Variants in PPFIBP1 observed in about 807,000 individuals in gnomAD.
PPFIBP1 encodes the protein liprin-beta-1.
Under a neutral mutation model 137.8 loss-of-function variants are expected in PPFIBP1, and 112 were observed. The ratio of observed to expected loss-of-function variants is 0.81; its 90% confidence interval spans 0.70 to 0.95. PPFIBP1 has a LOEUF of 0.95. Ranked by LOEUF, PPFIBP1 falls within the 40% of genes least tolerant of loss-of-function variation. The pLI is 0.00. For synonymous variants in PPFIBP1, 378 were observed against 417.3 expected (o/e 0.91, Z 1.15); for missense variants, 1,083 against 1,196.6 (o/e 0.91, Z 1.40).
chr12:27,527,675 C>G (rs1417508475), intron 1 of PPFIBP1, among the ~76,000 whole-genome samples: 1 of 151,916 alleles, frequency 6.6e-6, no homozygotes, highest in African/African-American at 2.4e-5. Flanking sequence ...ATTAAAGAAA[C>G]GTCGCTTCAA....
At chr12:27,576,273 G>C (rs2050552985) in intron 1 of PPFIBP1, among the ~76,000 whole-genome samples, 1 of 151,854 alleles carries the variant, frequency 6.6e-6, no homozygotes, top group South Asian at 2.1e-4. Flanking sequence ...TCCTAGCCAA[G>C]AGCCCTGATC....
chr12:27,649,046 C>T (rs982940839), intron 6 of PPFIBP1, among the ~76,000 whole-genome samples: 9 of 152,112 alleles, frequency 5.9e-5, no homozygotes, highest in African/African-American at 1.4e-4. Flanking sequence ...ATGGAGACCC[C>T]GTTTTCCATG....
chr12:27,670,883 A>G (rs1201457535), intron 13 of PPFIBP1, among the ~76,000 whole-genome samples: 2 of 151,810 alleles, frequency 1.3e-5, no homozygotes, highest in Non-Finnish European at 2.9e-5. Context: ...AGGGGTAGGC[A>G]TTGTCATTCT....
intron 11 of PPFIBP1, among the ~76,000 whole-genome samples, chr12:27,663,066 G>A (rs1162293326): frequency 6.6e-6 from 1 of 152,196 alleles, no homozygotes; most frequent in Non-Finnish European, 1.5e-5. Context: ...CATGTCCAGT[G>A]ATTGACAGCC....
In PPFIBP1 at chr12:27,671,460, C is replaced by A. The variant is rs777906646; in HGVS notation, c.1176C>A (p.Ile392=). The change falls in exon 14 of 30, where the codon ATC becomes ATA. Residue 392 remains isoleucine, a synonymous_variant. Coordinates refer to ENST00000228425, the MANE Select transcript of PPFIBP1 (RefSeq NM_003622.4). ...EFHTTILQVS[I]PSLLPATVSM... is the part of the protein sequence containing the mutation. ...ATACTACCATCTTGCAAGTTTCCAT[C>A]CCTTCATTATTGCCAGCAACTGTAA... 18 of 1,596,174 alleles carry A rather than the reference C, an allele frequency of 1.1e-5. No homozygotes were observed. In the South Asian group the frequency reaches 1.8e-4, roughly 16 times the overall value.
rs369134316 is a variant in PPFIBP1, at chr12:27,647,822, A to G, written c.451A>G (p.Thr151Ala). ...AGAGCACAGAGAGAAGGTGAATGCC[A>G]CAGAAGAAATGCTGCAGCAGGTATG... Reference protein sequence around the residue: ...LEEHREKVNATEEMLQQELLS... With the variant: ...LEEHREKVNAAEEMLQQELLS... The change falls in exon 6 of 30, where the codon ACA becomes GCA. Residue 151 changes from threonine to alanine, a missense_variant. Coordinates refer to ENST00000228425, the MANE Select transcript of PPFIBP1 (RefSeq NM_003622.4). 32 of 1,612,232 alleles carry G rather than the reference A, an allele frequency of 2.0e-5. No homozygotes were observed. The African/African-American group carries it at 4.0e-4, about 20-fold the overall frequency.
Position 27,677,097 on chromosome 12 carries a change from G to A in PPFIBP1, c.1615+1G>A, listed in dbSNP as rs755069742. 6.2e-7 allele frequency: 1 copy of A among 1,614,014 alleles called. No homozygotes were observed. The highest frequency in any genetic ancestry group is 2.2e-5 in the East Asian group (1 of 44,886). ...CGAAGTGCCAGTGCACCCACCCTAG[G>A]TATTGTACCCCTGCATGCCAGCCTT... On this transcript the variant is annotated splice_donor_variant, in intron 19 of 29. Transcript: ENST00000228425. LOFTEE classifies it high-confidence loss of function.
intron 1 of PPFIBP1, among the ~76,000 whole-genome samples, chr12:27,535,710 T>C (rs1002878515): frequency 1.3e-5 from 2 of 152,218 alleles, no homozygotes; most frequent in Non-Finnish European, 2.9e-5. Context: ...AATGCTGGCT[T>C]TAAATGAAAA....
chr12:27,650,699 A>G (rs2058824929), intron 7 of PPFIBP1, among the ~76,000 whole-genome samples: 1 of 152,230 alleles, frequency 6.6e-6, no homozygotes, highest in Non-Finnish European at 1.5e-5. Flanking sequence ...AAATCAGGGT[A>G]CATTCTGTAA....
At chr12:27,620,703 CCAATAAAGTGGGGATAAGTAT>C (rs2056263424) in intron 2 of PPFIBP1, among the ~76,000 whole-genome samples, 1 of 115,376 alleles carries the variant, frequency 8.7e-6, no homozygotes, top group East Asian at 2.5e-4. Context: ...AGTTTGATCA[CCAATAAAGTGGGGATAAGTAT>C]TGTGTCCTTA....
At chr12:27,548,025 C>T (rs964409891) in intron 1 of PPFIBP1, 3 of 152,116 alleles carry the variant, frequency 2.0e-5, no homozygotes, top group Admixed American at 6.5e-5. Flanking sequence ...AGTCTGGATC[C>T]CTTAGCAAAA....
At chr12:27,560,804 A>G (rs1311409299) in intron 1 of PPFIBP1, among the ~76,000 whole-genome samples, 1 of 152,230 alleles carries the variant, frequency 6.6e-6, no homozygotes, top group Non-Finnish European at 1.5e-5. Context: ...TCTACCCCAC[A>G]GGAGCTGCTG....
chr12:27,659,447 C>CA (rs60356273), intron 10 of PPFIBP1, among the ~76,000 whole-genome samples: 110,851 of 150,764 alleles, frequency 0.74, 41,402 homozygotes, highest in East Asian at 0.88. Context: ...CCTGTCTCTA[C>CA]AAAAAAAAAT....
intron 6 of PPFIBP1, among the ~76,000 whole-genome samples, chr12:27,648,948 G>A (rs1425277484): frequency 4.6e-5 from 7 of 152,134 alleles, no homozygotes; most frequent in Non-Finnish European, 8.8e-5. Flanking sequence ...ACGTCAGGGT[G>A]ACTATAGCCA....
At position 27,595,897 on chromosome 12, in the gene PPFIBP1, AT is replaced by A. The variant is rs1565838240; in HGVS notation, c.-36+17659del. Among the ~76,000 whole-genome samples the A allele has an allele frequency of 4.8e-3, 394 of 82,120 alleles. 1 individual carries two copies. The highest frequency in any genetic ancestry group is 0.011 in the African/African-American group (285 of 24,918). 53.9% of individuals were successfully genotyped at this position (82,120 alleles called of 152,430 possible). ...AACAACAACAACAAAATATATATATATATATATATATATATATATATATATT... is the reference window on the plus strand; with the variant it reads ...AACAACAACAACAAAATATATATATAATATATATATATATATATATATATT... On this transcript the variant is annotated intron_variant, in intron 2 of 29. Coordinates refer to ENST00000228425, the MANE Select transcript of PPFIBP1 (RefSeq NM_003622.4).
At chr12:27,536,087 C>A (rs1056702386) in intron 1 of PPFIBP1, among the ~76,000 whole-genome samples, 1 of 152,138 alleles carries the variant, frequency 6.6e-6, no homozygotes, top group African/African-American at 2.4e-5. Context: ...GAAGTCATTG[C>A]CTCTTTGGGC....
At chr12:27,544,282 A>G (rs756743820) in intron 1 of PPFIBP1, among the ~76,000 whole-genome samples, 13 of 152,156 alleles carry the variant, frequency 8.5e-5, no homozygotes, top group Non-Finnish European at 1.5e-4. Flanking sequence ...TACTGACTTG[A>G]CTATTAACTG....
intron 2 of PPFIBP1, chr12:27,599,488 A>C (rs762023701): frequency 2.2e-6 from 1 of 455,782 alleles, no homozygotes; most frequent in South Asian, 1.5e-5. Flanking sequence ...GCGTGAGCCA[A>C]TTCCTTAAAA....
intron 27 of PPFIBP1, among the ~76,000 whole-genome samples, chr12:27,689,740 G>A (rs969804849): frequency 1.1e-4 from 16 of 152,094 alleles, no homozygotes; most frequent in African/African-American, 3.9e-4. Flanking sequence ...CTTAACTATA[G>A]TTGGTGCGCA....
Sources: allele counts gnomAD v4.1 joint callset (sites outside exome capture counted in the v4.1 genomes callset), GRCh38; gene constraint gnomAD v4.1.1; transcripts MANE v1.5; gene names NCBI Gene and HGNC (gene_info 2026-07-23, HGNC 2026-07-21).